MAP4: variants seen among roughly 807,000 people sequenced by gnomAD.
MAP4 encodes the protein microtubule associated protein 4, also known as microtubule-associated protein 4.
MAP4 carries 76 observed loss-of-function variants against 170.2 expected under a neutral mutation model. The observed-to-expected ratio is 0.45, with a 90% CI of 0.37 to 0.54. The LOEUF is 0.54. MAP4 is among the 20% of genes least tolerant of loss of function. MAP4 has a pLI of 0.00. For synonymous variants in MAP4, 909 were observed against 994.5 expected, an observed-to-expected ratio of 0.91 and a Z score of 1.62; for missense variants, 2,506 against 2,748.0, an observed-to-expected ratio of 0.91 and a Z score of 1.97.
chr3:47,991,963 G>A (rs1377283185), intron 2 of MAP4, among the ~76,000 whole-genome samples: 2 of 151,214 alleles, frequency 1.3e-5, no homozygotes, highest in Non-Finnish European at 2.9e-5. Context: ...GAACCACCGC[G>A]CCCAGTAAGA....
intron 2 of MAP4, among the ~76,000 whole-genome samples, chr3:47,991,793 T>C (rs974696030): frequency 6.6e-6 from 1 of 151,896 alleles, no homozygotes; most frequent in Non-Finnish European, 1.5e-5. Context: ...CTCAGCCTCC[T>C]GAGTAGCTGG....
intron 1 of MAP4, among the ~76,000 whole-genome samples, chr3:48,074,103 A>G (rs1276250743): frequency 6.6e-6 from 1 of 152,066 alleles, no homozygotes; most frequent in Non-Finnish European, 1.5e-5. Context: ...TGTGGCACAT[A>G]TACACCATGG....
intron 3 of MAP4, chr3:47,974,959 G>GA (rs1202206410): frequency 3.5e-5 from 35 of 986,330 alleles, no homozygotes; most frequent in Non-Finnish European, 4.2e-5. Flanking sequence ...GAGAAGGAAG[G>GA]AGGAGGGAGA....
intron 13 of MAP4, 113 bp downstream of exon 13, chr3:47,871,804 C>T (rs1265155478): frequency 1.4e-5 from 14 of 1,023,760 alleles, no homozygotes; most frequent in African/African-American, 3.2e-5. Context: ...AGGACCGGTG[C>T]GTAAGCAGGC....
chr3:47,903,214 C>T (rs1277696090), intron 9 of MAP4, among the ~76,000 whole-genome samples: 1 of 152,102 alleles, frequency 6.6e-6, no homozygotes, highest in Non-Finnish European at 1.5e-5. Flanking sequence ...TTGTGCTTCC[C>T]TTCACAAAAA....
chr3:48,002,991 A>AAATT (rs1553716141), intron 1 of MAP4, among the ~76,000 whole-genome samples: 6 of 150,654 alleles, frequency 4.0e-5, no homozygotes, highest in African/African-American at 1.5e-4. Context: ...ATAAATAAAT[A>AAATT]AATTTAATTC....
rs2092138394 is a variant in MAP4, at chr3:47,871,104, A to C, written c.6003T>G (p.Ala2001=). The C allele has an allele frequency of 6.2e-7, 1 of 1,606,554 alleles. No homozygotes were observed. The highest frequency in any genetic ancestry group is 8.5e-7 in the Non-Finnish European group (1 of 1,174,436). Residue 2001 remains alanine (A), a splice_region_variant and synonymous_variant, in exon 15 of 21, where the codon GCT becomes GCG. Transcript: ENST00000683076. ...AGGTGCTCTTTGGGCGACTCAAGTC[A>C]GCTGCAAAGAAGGGAGTGAGAGATA... The part of the protein sequence containing the change: ...VKKMTAKSVP[A]DLSRPKSTST...
At chr3:48,003,997 C>T (rs2100100803) in intron 1 of MAP4, among the ~76,000 whole-genome samples, 1 of 152,178 alleles carries the variant, frequency 6.6e-6, no homozygotes, top group South Asian at 2.1e-4. Context: ...TGGCTTTCCT[C>T]GCTCCTCAGC....
At chr3:47,862,338 CTG>C (rs1362503590) in intron 17 of MAP4, among the ~76,000 whole-genome samples, 1 of 105,054 alleles carries the variant, frequency 9.5e-6, no homozygotes, top group Non-Finnish European at 1.7e-5. Flanking sequence ...CAGAGCGAGA[CTG>C]TGTCTCAAAA....
At chr3:47,982,553 A>T (rs1029261935) in intron 2 of MAP4, among the ~76,000 whole-genome samples, 4 of 152,206 alleles carry the variant, frequency 2.6e-5, no homozygotes, top group African/African-American at 9.6e-5. Flanking sequence ...TCTCAAAATT[A>T]CATGTTTTAC....
rs540779753 is a variant in MAP4 at position 48,075,291 on chromosome 3, G to A, written c.-20+13482C>T. On this transcript the variant is annotated intron_variant, in intron 1 of 18. Coordinates refer to the MAP4 transcript ENST00000360240. ...TGTAATCCCAGAACTTTGGGAGGCC[G>A]AGTCAGGCGGATCACTTGAGGTCAG... 2.3e-3 allele frequency among the ~76,000 whole-genome samples: 348 copies of A among 151,986 alleles called. 5 individuals are homozygous for A. The Middle Eastern group carries it at 0.028, about 12-fold the overall frequency.
chr3:47,891,091 C>T (rs567503683), intron 10 of MAP4: 1 of 1,535,164 alleles, frequency 6.5e-7, no homozygotes, highest in Admixed American at 2.0e-5. Context: ...CAATTTCTTT[C>T]TTCCCTGCCA....
intron 1 of MAP4, among the ~76,000 whole-genome samples, chr3:48,030,661 T>C (rs2100115573): frequency 6.6e-6 from 1 of 151,270 alleles, no homozygotes. Context: ...TAACCAGGCA[T>C]GATGGTGGGT....
chr3:47,917,872 C>T (rs192059183), intron 6 of MAP4, among the ~76,000 whole-genome samples: 6 of 152,238 alleles, frequency 3.9e-5, no homozygotes, highest in Admixed American at 2.0e-4. Context: ...TTTTGAGACA[C>T]GGTCTCACGC....
chr3:48,087,747 A>ACACACACACACACGCGCG (rs1559930121), intron 1 of MAP4, among the ~76,000 whole-genome samples: 13 of 74,150 alleles, frequency 1.8e-4, no homozygotes, highest in Admixed American at 1.2e-3. Context: ...ACGCACGCGC[A>ACACACACACACACGCGCG]CACACACACA....
intron 1 of MAP4, among the ~76,000 whole-genome samples, chr3:48,041,753 G>C (rs2154531983): frequency 6.6e-6 from 1 of 152,292 alleles, no homozygotes; most frequent in African/African-American, 2.4e-5. Flanking sequence ...TGTAGAAATT[G>C]ACAATCAATC....
chr3:47,951,595 G>C (rs566748430), intron 3 of MAP4, among the ~76,000 whole-genome samples: 1 of 152,208 alleles, frequency 6.6e-6, no homozygotes, highest in Non-Finnish European at 1.5e-5. Flanking sequence ...CGAGTGATCC[G>C]CCAGCCTTGG....
chr3:47,997,851 AT>A (rs1180273289), intron 2 of MAP4, among the ~76,000 whole-genome samples: 2 of 152,170 alleles, frequency 1.3e-5, no homozygotes, highest in African/African-American at 4.8e-5. Flanking sequence ...GGACCAAGGA[AT>A]TCCTTGAAAG....
chr3:47,910,783 C>A lies in MAP4; in HGVS notation c.3638G>T (p.Gly1213Val), dbSNP rs1559420982. 6.5e-7 allele frequency: 1 copy of A among 1,535,994 alleles called. No homozygotes were observed. Among genetic ancestry groups the A allele is most frequent in the Admixed American group, 2.0e-5 (1 of 50,974 alleles). Residue 1213 changes from glycine (G) to valine (V), a missense_variant, in exon 9 of 21, where the codon GGC (glycine) becomes GTC (valine). Gly to Val is a moderately radical substitution (Grantham distance 109, BLOSUM62 -3). This residue lies in a region of MAP4 where 2,008 missense variants were observed against 2,206.0 expected (regional missense o/e 0.91). Coordinates refer to ENST00000683076, the MANE Select transcript of MAP4 (RefSeq NM_001385682.1). ...AAACTTTTTGCTTTTGCCTTCATTG[C>A]CTCTCTTTTTAGGCTTTTCAGAAAT... ...PWISEKPKKR[G>V]NEGKSKKFKN...
Sources: allele counts gnomAD v4.1 joint callset (sites outside exome capture counted in the v4.1 genomes callset), GRCh38; gene constraint gnomAD v4.1.1; regional missense constraint gnomAD v4.1.1; transcripts MANE v1.5; gene names NCBI Gene and HGNC (gene_info 2026-07-23, HGNC 2026-07-21).